SERGEF: variants seen among roughly 807,000 people sequenced by gnomAD.
SERGEF encodes the protein secretion-regulating guanine nucleotide exchange factor.
In SERGEF, 51 loss-of-function variants were observed where a neutral mutation model predicts 50.0. The observed-to-expected ratio is 1.02, with a 90% CI of 0.81 to 1.29. The LOEUF (loss-of-function observed/expected upper bound fraction) is 1.29. SERGEF is among the 50% of genes most tolerant of loss of function. The pLI, the probability that SERGEF is intolerant of heterozygous loss-of-function variation, is 0.00. For missense variants in SERGEF, 521 were observed against 557.0 expected, an observed-to-expected ratio of 0.94 and a Z score of 0.65; for synonymous variants, 205 against 212.4, an observed-to-expected ratio of 0.97 and a Z score of 0.30.
rs757263835 is a variant in SERGEF, at chr11:18,000,569, A to C, written c.448-12T>G. On this transcript the variant is annotated splice_polypyrimidine_tract_variant and intron_variant, in intron 4 of 10. Coordinates refer to ENST00000265965, the MANE Select transcript of SERGEF (RefSeq NM_012139.4). ...TTCTCTTTATGGAGCTGTCAAAATA[A>C]AGAAAAGGATTTAGATCTCAGAACC... 7 of 1,572,680 alleles carry C rather than the reference A, an allele frequency of 4.5e-6. No individual in the cohort carries two copies. In the African/African-American group the frequency reaches 9.7e-5, roughly 22 times the overall value.
rs543617063 is a variant in SERGEF, at chr11:17,790,857, G to C, written c.1049-2444C>G. ...TTAGTTTGCATTTCCCTGACTACTA[G>C]TGAGATGGAGCAGTAGCGCTTTCTG... On this transcript the variant is annotated intron_variant, in intron 10 of 10. Coordinates refer to ENST00000265965, the MANE Select transcript of SERGEF (RefSeq NM_012139.4). Among the ~76,000 whole-genome samples the C allele has an allele frequency of 2.4e-3, 372 of 152,326 alleles. 1 individual carries two copies. Among genetic ancestry groups the C allele is most frequent in the African/African-American group, 8.4e-3 (349 of 41,564 alleles).
intron 10 of SERGEF, among the ~76,000 whole-genome samples, chr11:17,857,915 TCCA>T (rs1383271043): frequency 1.3e-5 from 2 of 152,034 alleles, no homozygotes; most frequent in Non-Finnish European, 2.9e-5. Flanking sequence ...AAAGTATGAA[TCCA>T]CCAAGAAAAG....
At chr11:17,878,332 A>C in intron 9 of SERGEF, 88 bp from the exon 10 acceptor site, 1 of 1,107,618 alleles carries the variant, frequency 9.0e-7, no homozygotes, top group Non-Finnish European at 1.3e-6. Flanking sequence ...TGACACTAAC[A>C]TCCATTTTTG....
rs931359387 is a variant in SERGEF at position 17,888,500 on chromosome 11, T to C, written c.1012-10256A>G. ...GGGACCATGCAAATGAGGAAATATA[T>C]GAATGTTGCTAGGAGCCAGAATGCT... On this transcript the variant is annotated intron_variant, in intron 9 of 10. Coordinates refer to ENST00000265965, the MANE Select transcript of SERGEF (RefSeq NM_012139.4). This position sits in a 1 kb window ranked among gnomAD's most constrained non-coding sequence, Gnocchi z 4.1. Among the ~76,000 whole-genome samples the C allele has an allele frequency of 3.3e-5, 5 of 152,144 alleles. No homozygotes were observed. Among genetic ancestry groups the C allele is most frequent in the African/African-American group, 1.2e-4 (5 of 41,420 alleles).
rs200128977 is a variant in SERGEF, at chr11:17,910,185, A to ACTCTCTCTCT, written c.1012-31942_1012-31941insAGAGAGAGAG. ...ATTTGCCACCTACACACACACACAC[A>ACTCTCTCTCT]CACACACACTCTCTCTCTCTCTCTC... On this transcript the variant is annotated intron_variant, in intron 9 of 10. Transcript: ENST00000265965. Among the ~76,000 whole-genome samples the ACTCTCTCTCT allele has an allele frequency of 1.9e-3, 205 of 108,510 alleles. 2 individuals are homozygous for ACTCTCTCTCT. The East Asian group carries it at 0.04, about 21-fold the overall frequency. The allele number at this position is 108,510 out of a possible 152,430, so 71.2% of individuals were successfully genotyped here. A position where few individuals can be genotyped will look rare whatever the true frequency, so the allele number is the denominator to read the frequency against.
At chr11:17,831,238 C>T (rs77198245) in intron 10 of SERGEF, among the ~76,000 whole-genome samples, 3,738 of 152,264 alleles carry the variant, frequency 0.025, 153 homozygotes, top group African/African-American at 0.086. Flanking sequence ...TTTTAATATT[C>T]CCCAGGTGAT....
At chr11:17,998,240 C>T (rs1462860285) in intron 5 of SERGEF, among the ~76,000 whole-genome samples, 1 of 151,270 alleles carries the variant, frequency 6.6e-6, no homozygotes, top group African/African-American at 2.4e-5. Context: ...ACCAAGACCC[C>T]ATCTCTACAA....
intron 9 of SERGEF, among the ~76,000 whole-genome samples, chr11:17,895,646 T>C (rs1851605585): frequency 6.6e-6 from 1 of 152,204 alleles, no homozygotes. Context: ...CATATACATA[T>C]ACATAATAAT....
chr11:17,877,063 C>A (rs1233042582), intron 10 of SERGEF, among the ~76,000 whole-genome samples: 1 of 152,254 alleles, frequency 6.6e-6, no homozygotes, highest in Non-Finnish European at 1.5e-5. Flanking sequence ...GGCAGCTGAG[C>A]CAGTCCAGCT....
intron 9 of SERGEF, among the ~76,000 whole-genome samples, chr11:17,900,592 G>T (rs146608327): frequency 4.8e-4 from 73 of 152,204 alleles, no homozygotes; most frequent in African/African-American, 1.7e-3. Flanking sequence ...TGAGTCAATG[G>T]TTCAGTGACC....
intron 10 of SERGEF, among the ~76,000 whole-genome samples, chr11:17,813,571 C>A (rs540149862): frequency 1.3e-5 from 2 of 152,326 alleles, no homozygotes; most frequent in African/African-American, 4.8e-5. Flanking sequence ...TACTTCCAGG[C>A]AGAATGCCAC....
At chr11:17,790,340 T>C (rs1849460965) in intron 10 of SERGEF, among the ~76,000 whole-genome samples, 2 of 152,072 alleles carry the variant, frequency 1.3e-5, no homozygotes, top group South Asian at 4.1e-4. Context: ...TTCACATATT[T>C]TTTTTTTTTT....
At chr11:17,994,212 C>G (rs578034) in intron 6 of SERGEF, among the ~76,000 whole-genome samples, 1 of 152,094 alleles carries the variant, frequency 6.6e-6, no homozygotes, top group African/African-American at 2.4e-5. Flanking sequence ...AAAGGTGTAT[C>G]TGAGCTAGGT....
chr11:17,904,974 T>C (rs909975713), intron 9 of SERGEF, among the ~76,000 whole-genome samples: 3 of 152,214 alleles, frequency 2.0e-5, no homozygotes, highest in Admixed American at 6.5e-5. Context: ...ACTTGACATC[T>C]GAAATATCAA....
intron 9 of SERGEF, among the ~76,000 whole-genome samples, chr11:17,914,317 CT>C (rs1172090144): frequency 6.6e-6 from 1 of 152,208 alleles, no homozygotes; most frequent in Non-Finnish European, 1.5e-5. Flanking sequence ...CTGAGGAGCT[CT>C]TACAAAATAC....
chr11:18,011,018 G>A (rs1376443192), intron 1 of SERGEF, among the ~76,000 whole-genome samples: 1 of 152,110 alleles, frequency 6.6e-6, no homozygotes, highest in Non-Finnish European at 1.5e-5. Context: ...AACACTGTGA[G>A]AGGCCCTAAA....
chr11:18,002,019 G>A (rs960702915), intron 4 of SERGEF: 8 of 456,154 alleles, frequency 1.8e-5, no homozygotes, highest in Non-Finnish European at 3.1e-5. Context: ...ACAGCAGAAA[G>A]GGCTGAGCTT....
At chr11:17,966,506 A>G (rs909191040) in intron 8 of SERGEF, among the ~76,000 whole-genome samples, 3 of 152,320 alleles carry the variant, frequency 2.0e-5, no homozygotes, top group Middle Eastern at 3.4e-3. Context: ...GATGCCTAAA[A>G]ATCTTCAGTA....
intron 10 of SERGEF, among the ~76,000 whole-genome samples, chr11:17,820,681 C>A (rs1850064412): frequency 6.6e-6 from 1 of 152,154 alleles, no homozygotes; most frequent in African/African-American, 2.4e-5. Context: ...ATGCCTTAAC[C>A]CCCAGAACTT....
Sources: gnomAD v4.1 joint callset for allele counts (sites outside exome capture counted in the v4.1 genomes callset) on GRCh38, gnomAD v4.1.1 for gene constraint, Gnocchi (gnomAD v3.1) non-coding constraint, MANE v1.5 for transcripts, NCBI Gene and HGNC (gene_info 2026-07-23, HGNC 2026-07-21) for gene names.